NRXN3: variants seen among roughly 807,000 people sequenced by gnomAD.
NRXN3 encodes the protein neurexin III.
Under a neutral mutation model 137.6 loss-of-function variants are expected in NRXN3, and 32 were observed. That is an observed-to-expected ratio of 0.23 (90% CI 0.18 to 0.31). The LOEUF (loss-of-function observed/expected upper bound fraction) is 0.31, where lower values mean the gene tolerates loss of function less well. Among genes scored for constraint, NRXN3 ranks in the 10% least tolerant of loss-of-function variants. NRXN3 has a pLI of 1.00. For missense variants in NRXN3, 1,574 were observed against 2,062.5 expected (o/e 0.76, Z 4.59); for synonymous variants, 798 against 784.5 (o/e 1.02, Z -0.29).
chr14:78,954,968 G>A (rs2152959021), intron 10 of NRXN3, among the ~76,000 whole-genome samples: 1 of 152,164 alleles, frequency 6.6e-6, no homozygotes, highest in African/African-American at 2.4e-5. Flanking sequence ...TATAGGTACT[G>A]TCATACCAAT....
chr14:79,315,431 A>G (rs2088365403), intron 15 of NRXN3, among the ~76,000 whole-genome samples: 1 of 152,222 alleles, frequency 6.6e-6, no homozygotes, highest in African/African-American at 2.4e-5. Flanking sequence ...GTCTCTGTAG[A>G]GAAACTATTA....
chr14:79,103,983 AAT>A (rs2051870895), intron 15 of NRXN3, among the ~76,000 whole-genome samples: 1 of 152,148 alleles, frequency 6.6e-6, no homozygotes, highest in South Asian at 2.1e-4. Flanking sequence ...CACACATATG[AAT>A]AGATTCATGT....
intron 4 of NRXN3, among the ~76,000 whole-genome samples, chr14:78,326,957 G>C (rs1467859558): frequency 6.6e-6 from 1 of 151,188 alleles, no homozygotes; most frequent in African/African-American, 2.4e-5. Flanking sequence ...CTCTGTTCCT[G>C]AGTTTCCTCA....
chr14:79,508,466 T>C (rs2096901163), intron 16 of NRXN3, among the ~76,000 whole-genome samples: 1 of 142,672 alleles, frequency 7.0e-6, no homozygotes, highest in Non-Finnish European at 1.5e-5. Flanking sequence ...CTTGGCTCAC[T>C]GCAACCTTCA....
chr14:78,896,454 C>CT (rs1283875090), intron 10 of NRXN3, among the ~76,000 whole-genome samples: 1 of 151,840 alleles, frequency 6.6e-6, no homozygotes, highest in East Asian at 1.9e-4. Context: ...AGCACAGACA[C>CT]TATCTTGAAT....
At chr14:79,588,323 A>T (rs945903167) in intron 16 of NRXN3, among the ~76,000 whole-genome samples, 5 of 152,192 alleles carry the variant, frequency 3.3e-5, no homozygotes, top group African/African-American at 1.2e-4. Context: ...GTGTTTTAGA[A>T]TTGCACTTTT....
At chr14:79,371,568 T>G (rs1272929298) in intron 15 of NRXN3, among the ~76,000 whole-genome samples, 2 of 152,152 alleles carry the variant, frequency 1.3e-5, no homozygotes, top group Non-Finnish European at 2.9e-5. Flanking sequence ...AGATTTTAGC[T>G]GTGTATAGTC....
intron 15 of NRXN3, among the ~76,000 whole-genome samples, chr14:79,018,275 A>C (rs1209436570): frequency 6.9e-5 from 4 of 57,708 alleles, no homozygotes; most frequent in African/African-American, 2.3e-4. Flanking sequence ...AAAAAAAAAA[A>C]AAAAAAAAAA....
chr14:78,368,564 G>A (rs764003778), intron 4 of NRXN3, among the ~76,000 whole-genome samples: 1 of 152,112 alleles, frequency 6.6e-6, no homozygotes, highest in South Asian at 2.1e-4. Flanking sequence ...GCACTGTGGC[G>A]AGCACCAGTA....
In NRXN3 at chr14:78,231,790, A is replaced by T. The variant is rs540473973; in HGVS notation, c.-703-10601A>T. On this transcript the variant is annotated intron_variant, in intron 1 of 20. Transcript: ENST00000335750. ...TGACTTCACGTGTACCATACTTGGCATAGCGCGTTGCCCAGAGCAAGTGTA... is the reference window on the plus strand; with the variant it reads ...TGACTTCACGTGTACCATACTTGGCTTAGCGCGTTGCCCAGAGCAAGTGTA... Among the ~76,000 whole-genome samples the T allele has an allele frequency of 2.6e-5, 4 of 152,356 alleles. No homozygotes were observed. The East Asian group carries it at 7.7e-4, about 29-fold the overall frequency.
At chr14:79,426,686 A>G (rs1019200030) in intron 15 of NRXN3, among the ~76,000 whole-genome samples, 2 of 152,186 alleles carry the variant, frequency 1.3e-5, no homozygotes, top group African/African-American at 4.8e-5. Flanking sequence ...ATAAATTTTC[A>G]AGGGAATCTG....
intron 8 of NRXN3, among the ~76,000 whole-genome samples, chr14:78,766,757 G>A (rs2098710394): frequency 6.6e-6 from 1 of 152,178 alleles, no homozygotes; most frequent in Admixed American, 6.5e-5. Context: ...GAAAGAGCAT[G>A]GGCTTTGCGG....
intron 15 of NRXN3, among the ~76,000 whole-genome samples, chr14:79,121,516 T>C (rs2055429228): frequency 1.3e-5 from 2 of 152,240 alleles, no homozygotes; most frequent in South Asian, 4.1e-4. Context: ...CCAACTTAAA[T>C]TTCACTCTAA....
At chr14:79,336,668 T>C (rs1566837625) in intron 15 of NRXN3, among the ~76,000 whole-genome samples, 2 of 152,186 alleles carry the variant, frequency 1.3e-5, no homozygotes, top group Admixed American at 1.3e-4. Context: ...ATAATAAACA[T>C]GTGTTATGTT....
chr14:79,650,846 G>A (rs1411193235), intron 16 of NRXN3, among the ~76,000 whole-genome samples: 1 of 152,156 alleles, frequency 6.6e-6, no homozygotes, highest in African/African-American at 2.4e-5. Flanking sequence ...AAACTGAAAT[G>A]GATGGTGGTT....
intron 4 of NRXN3, among the ~76,000 whole-genome samples, chr14:78,364,036 C>T (rs1350787080): frequency 6.6e-6 from 1 of 152,200 alleles, no homozygotes; most frequent in Non-Finnish European, 1.5e-5. Flanking sequence ...TCAGGTCGCA[C>T]CTGGATATCA....
chr14:78,717,689 T>A (rs1280745428), intron 8 of NRXN3, among the ~76,000 whole-genome samples: 4 of 152,116 alleles, frequency 2.6e-5, no homozygotes, highest in African/African-American at 7.2e-5. Flanking sequence ...GAAGTTGACA[T>A]ATATTGAAGC....
chr14:78,449,596 C>G lies in NRXN3; in HGVS notation c.757+151736C>G, dbSNP rs540709820. On this transcript the variant is annotated intron_variant, in intron 4 of 20. Transcript: ENST00000335750. ...TATTTTTCTCTATTTTTTATTAGAG[C>G]GTTCACGTTTATATCACGCACCATT... Among the ~76,000 whole-genome samples the G allele has an allele frequency of 2.0e-3, 300 of 152,252 alleles. 2 individuals carry two copies. Among genetic ancestry groups the G allele is most frequent in the African/African-American group, 6.7e-3 (277 of 41,548 alleles).
intron 16 of NRXN3, among the ~76,000 whole-genome samples, chr14:79,519,052 C>T (rs1298857375): frequency 3.3e-5 from 5 of 152,248 alleles, no homozygotes; most frequent in East Asian, 1.9e-4. Flanking sequence ...TTCTGGGCCT[C>T]GTGCTTTCTT....
Sources: gnomAD v4.1 joint callset for allele counts (sites outside exome capture counted in the v4.1 genomes callset) on GRCh38, gnomAD v4.1.1 for gene constraint, MANE v1.5 for transcripts, NCBI Gene and HGNC (gene_info 2026-07-23, HGNC 2026-07-21) for gene names.